SPATA16: variants seen among roughly 807,000 people sequenced by gnomAD.
The protein encoded by SPATA16 is spermatogenesis associated 16, also known as spermatogenesis-associated protein 16.
A neutral mutation model predicts 63.3 loss-of-function variants in SPATA16; 36 were observed. The observed-to-expected ratio is 0.57, with a 90% CI of 0.44 to 0.75. SPATA16 has a LOEUF of 0.75. SPATA16 is among the 30% of genes least tolerant of loss of function. The pLI is 0.00. For missense variants in SPATA16, 646 were observed against 679.3 expected (o/e 0.95, Z 0.54); for synonymous variants, 203 against 216.7 (o/e 0.94, Z 0.56).
chr3:173,093,072 C>T (rs113723804), intron 2 of SPATA16, among the ~76,000 whole-genome samples: 15,718 of 145,338 alleles, frequency 0.11, 962 homozygotes, highest in South Asian at 0.21. Flanking sequence ...CACACACACA[C>T]ACACATATAT....
At chr3:173,024,874 T>C (rs1328255967) in intron 3 of SPATA16, among the ~76,000 whole-genome samples, 2 of 150,776 alleles carry the variant, frequency 1.3e-5, no homozygotes, top group African/African-American at 4.8e-5. Context: ...ATGTTTTCTT[T>C]TTAAAGAAAG....
intron 2 of SPATA16, among the ~76,000 whole-genome samples, chr3:173,064,913 C>T (rs1736479098): frequency 6.6e-6 from 1 of 152,118 alleles, no homozygotes; most frequent in Non-Finnish European, 1.5e-5. Flanking sequence ...ATCTATTTCT[C>T]TAAGAATTTC....
Position 172,937,868 on chromosome 3 carries a change from C to A in SPATA16, c.1082-12376G>T, listed in dbSNP as rs144295669. The stretch of plus-strand genomic sequence containing the variant: ...CTGCTCACTATGGAACCATTGCAGA[C>A]GGGTATACATCATCCAGACAGACAG... On this transcript the variant is annotated intron_variant, in intron 6 of 10. Coordinates refer to ENST00000351008, the MANE Select transcript of SPATA16 (RefSeq NM_031955.6). 2.0e-5 allele frequency among the ~76,000 whole-genome samples: 3 copies of A among 152,142 alleles called. No individual in the cohort carries two copies. In the East Asian group the frequency reaches 5.8e-4, roughly 29 times the overall value.
intron 2 of SPATA16, among the ~76,000 whole-genome samples, chr3:173,090,548 A>G (rs946037195): frequency 1.3e-5 from 2 of 152,194 alleles, no homozygotes; most frequent in Non-Finnish European, 2.9e-5. Context: ...ACATAATTTT[A>G]TCCTTTTTTT....
chr3:172,941,816 G>A (rs941210643), intron 6 of SPATA16, among the ~76,000 whole-genome samples: 1 of 152,050 alleles, frequency 6.6e-6, no homozygotes, highest in African/African-American at 2.4e-5. Context: ...TTAATTTAAG[G>A]ATGGTGTCAG....
At chr3:173,125,556 A>G (rs1047638597) in intron 1 of SPATA16, among the ~76,000 whole-genome samples, 1 of 152,220 alleles carries the variant, frequency 6.6e-6, no homozygotes, top group African/African-American at 2.4e-5. Flanking sequence ...TGACAAGTTC[A>G]TTCCCAACTC....
chr3:173,067,157 C>A (rs903763177), intron 2 of SPATA16, among the ~76,000 whole-genome samples: 1 of 151,740 alleles, frequency 6.6e-6, no homozygotes, highest in Non-Finnish European at 1.5e-5. Context: ...TGAAGCGGAC[C>A]TACAAGATCT....
chr3:172,891,744 C>T (rs910359662), intron 10 of SPATA16, among the ~76,000 whole-genome samples: 11 of 152,202 alleles, frequency 7.2e-5, no homozygotes, highest in South Asian at 4.1e-4. Flanking sequence ...TTCTATGCCC[C>T]CTCGATCTTC....
chr3:173,115,721 T>A (rs1737877815), intron 2 of SPATA16, among the ~76,000 whole-genome samples: 1 of 152,152 alleles, frequency 6.6e-6, no homozygotes, highest in African/African-American at 2.4e-5. Context: ...AGGGACACCA[T>A]TGTCTGGTAT....
chr3:173,115,658 T>A (rs1459479133), intron 2 of SPATA16, among the ~76,000 whole-genome samples: 1 of 152,224 alleles, frequency 6.6e-6, no homozygotes, highest in Non-Finnish European at 1.5e-5. Flanking sequence ...GCTACCTAAT[T>A]ACTTCATATC....
chr3:173,007,746 TATTGA>T (rs1410543866), intron 4 of SPATA16, among the ~76,000 whole-genome samples: 6 of 152,088 alleles, frequency 3.9e-5, no homozygotes, highest in Non-Finnish European at 8.8e-5. Context: ...TCACCAAAGC[TATTGA>T]ATTGAACTTG....
At chr3:173,077,212 A>G (rs777514550) in intron 2 of SPATA16, among the ~76,000 whole-genome samples, 50 of 152,118 alleles carry the variant, frequency 3.3e-4, no homozygotes, top group Non-Finnish European at 8.8e-5. Flanking sequence ...ATCTTTCTAC[A>G]CTTTTTTTCT....
chr3:173,056,639 G>A (rs571268084), intron 2 of SPATA16, among the ~76,000 whole-genome samples: 1 of 146,422 alleles, frequency 6.8e-6, no homozygotes, highest in South Asian at 2.2e-4. Flanking sequence ...AGGAGGCGGA[G>A]GTTGCAGTAA....
intron 1 of SPATA16, among the ~76,000 whole-genome samples, chr3:173,138,465 C>A (rs554893211): frequency 3.9e-5 from 6 of 152,250 alleles, no homozygotes; most frequent in African/African-American, 1.4e-4. Context: ...ATACAATTCC[C>A]TTCCTCTGTA....
intron 2 of SPATA16, among the ~76,000 whole-genome samples, chr3:173,095,276 C>G (rs1194860066): frequency 6.6e-6 from 1 of 152,056 alleles, no homozygotes; most frequent in African/African-American, 2.4e-5. Context: ...AGTACACAAA[C>G]AAAGAAGCAC....
intron 3 of SPATA16, among the ~76,000 whole-genome samples, chr3:173,028,835 G>A (rs1157755083): frequency 6.6e-6 from 1 of 151,960 alleles, no homozygotes; most frequent in Non-Finnish European, 1.5e-5. Context: ...ATAGTTCTGA[G>A]CATCTGTGAA....
chr3:172,971,996 G>A (rs941500562), intron 5 of SPATA16, among the ~76,000 whole-genome samples: 1 of 152,164 alleles, frequency 6.6e-6, no homozygotes, highest in Non-Finnish European at 1.5e-5. Context: ...CCGTCTTTGA[G>A]CATGTGGCTG....
chr3:173,130,421 C>T (rs1738347646), intron 1 of SPATA16, among the ~76,000 whole-genome samples: 1 of 148,546 alleles, frequency 6.7e-6, no homozygotes, highest in Admixed American at 6.7e-5. Flanking sequence ...TATAATACAG[C>T]TTTCACCATT....
In SPATA16 at chr3:173,112,032, A is replaced by G. The variant is rs1737762237; in HGVS notation, c.612+5088T>C. Among the ~76,000 whole-genome samples the G allele has an allele frequency of 2.0e-5, 3 of 152,212 alleles. No homozygotes were observed. In the South Asian group the frequency reaches 6.2e-4, roughly 32 times the overall value. ...ATCTTTCCTTCTAACTTTTATGGGT[A>G]AAACTGCTCCATATTTTATGATTCA... On this transcript the variant is annotated intron_variant, in intron 2 of 10. Transcript: ENST00000351008.
Sources: gnomAD v4.1 joint callset for allele counts (sites outside exome capture counted in the v4.1 genomes callset) on GRCh38, gnomAD v4.1.1 for gene constraint, MANE v1.5 for transcripts, NCBI Gene and HGNC (gene_info 2026-07-23, HGNC 2026-07-21) for gene names.